FRMPD4: variants seen among roughly 807,000 people sequenced by gnomAD.
The protein encoded by FRMPD4 is FERM and PDZ domain containing 4.
FRMPD4 carries 22 observed loss-of-function variants against 94.1 expected under a neutral mutation model. The observed-to-expected ratio is 0.23, with a 90% CI of 0.17 to 0.33. The LOEUF (loss-of-function observed/expected upper bound fraction) is 0.33. Among genes scored for constraint, FRMPD4 ranks in the 10% least tolerant of loss-of-function variants. The pLI, the probability that FRMPD4 is intolerant of heterozygous loss-of-function variation, is 1.00. For missense variants in FRMPD4, 1,111 were observed against 1,339.9 expected (o/e 0.83, Z 2.67); for synonymous variants, 631 against 548.6 (o/e 1.15, Z -2.10).
intron 1 of FRMPD4, among the ~76,000 whole-genome samples, chrX:12,279,191 C>T (rs1015687422): frequency 8.9e-6 from 1 of 112,806 alleles, no homozygotes; most frequent in Non-Finnish European, 1.9e-5. Flanking sequence ...ACCCTTGTAA[C>T]GGTGATGATG....
chrX:12,700,047 T>C (rs755919019), intron 9 of FRMPD4, among the ~76,000 whole-genome samples: 2 of 111,600 alleles, frequency 1.8e-5, no homozygotes, highest in Non-Finnish European at 3.8e-5. Flanking sequence ...TGGCCAGTCT[T>C]TACACAGGGC....
Position 12,480,512 on chromosome X carries a change from A to C in FRMPD4, c.42-18168A>C, listed in dbSNP as rs1190642741. On this transcript the variant is annotated intron_variant, in intron 1 of 16. Coordinates refer to ENST00000675598, the MANE Select transcript of FRMPD4 (RefSeq NM_001368397.1). ...TTAAAAATGTTTATGTTTCTTGTAC[A>C]CAATGCCCTTCCTTTTCAATGCATT... 2.7e-5 allele frequency among the ~76,000 whole-genome samples: 3 copies of C among 111,451 alleles called. No individual in the cohort carries two copies. In the Admixed American group the frequency reaches 2.9e-4, roughly 11 times the overall value.
intron 1 of FRMPD4, among the ~76,000 whole-genome samples, chrX:12,297,267 G>A (rs975268560): frequency 8.9e-6 from 1 of 112,427 alleles, no homozygotes; most frequent in Non-Finnish European, 1.9e-5. Flanking sequence ...AACTGTCTTG[G>A]TCCATTTTCT....
At chrX:11,949,847 G>C (rs1281123078) in intron 3 of FRMPD4, among the ~76,000 whole-genome samples, 1 of 111,593 alleles carries the variant, frequency 9.0e-6, no homozygotes, top group Non-Finnish European at 1.9e-5. Flanking sequence ...CTCCCAGAAG[G>C]TGCTCAGTTG....
chrX:12,538,820 A>G (rs1213599670), intron 2 of FRMPD4, among the ~76,000 whole-genome samples: 1 of 111,862 alleles, frequency 8.9e-6, no homozygotes, highest in Non-Finnish European at 1.9e-5. Context: ...ACCATCATCA[A>G]AGACCAAAGG....
chrX:11,850,170 GAAA>G (rs1249183767), intron 1 of FRMPD4, among the ~76,000 whole-genome samples: 4 of 112,385 alleles, frequency 3.6e-5, no homozygotes, highest in African/African-American at 9.7e-5. Flanking sequence ...ACCAGCATAT[GAAA>G]AGTTGTTCAT....
chrX:12,558,548 C>T (rs1263526188), intron 2 of FRMPD4, among the ~76,000 whole-genome samples: 1 of 112,418 alleles, frequency 8.9e-6, no homozygotes, highest in African/African-American at 3.2e-5. Flanking sequence ...GACTTTAAAA[C>T]ATAAACTATA....
intron 1 of FRMPD4, among the ~76,000 whole-genome samples, chrX:11,830,355 T>C (rs917937576): frequency 8.9e-6 from 1 of 112,305 alleles, no homozygotes; most frequent in Admixed American, 9.4e-5. Flanking sequence ...CCACATGTTA[T>C]GTAAACTACA....
At chrX:12,526,448 G>T (rs185680932) in intron 2 of FRMPD4, among the ~76,000 whole-genome samples, 1 of 112,791 alleles carries the variant, frequency 8.9e-6, no homozygotes, top group Admixed American at 9.3e-5. Flanking sequence ...GTCACAAAGA[G>T]CCCCTTGGGG....
At position 12,722,478 on chromosome X, in the gene FRMPD4, G is replaced by C. The variant is rs1312446428; in HGVS notation, c.*620G>C. On this transcript the variant is annotated 3_prime_UTR_variant, in exon 17 of 17. Coordinates refer to ENST00000675598, the MANE Select transcript of FRMPD4 (RefSeq NM_001368397.1). ...TTTAATTTGGGTTTTTGCTACTGGG[G>C]CTACAAATTGGTGGGGATGGATTCT... 9.0e-6 allele frequency: 1 copy of C among 111,266 alleles called. No individual in the cohort carries two copies. The highest frequency in any genetic ancestry group is 3.3e-5 in the African/African-American group (1 of 30,624). The allele number at this position is 111,266 out of a possible 1,213,427, so 9.2% of individuals were successfully genotyped here.
intron 1 of FRMPD4, among the ~76,000 whole-genome samples, chrX:12,219,046 AGTCTCCTGT>A (rs2056836193): frequency 8.9e-6 from 1 of 112,089 alleles, no homozygotes; most frequent in South Asian, 3.7e-4. Flanking sequence ...TTAGAATCTA[AGTCTCCTGT>A]GTCTCAATCA....
At chrX:11,973,147 T>A (rs891197792) in intron 3 of FRMPD4, among the ~76,000 whole-genome samples, 47 of 112,769 alleles carry the variant, frequency 4.2e-4, no homozygotes, top group Admixed American at 1.0e-3. Context: ...TCTTTCTAAT[T>A]CACGCTTCTT....
At chrX:11,896,966 C>T (rs1349994920) in intron 3 of FRMPD4, among the ~76,000 whole-genome samples, 3 of 111,175 alleles carry the variant, frequency 2.7e-5, no homozygotes, top group Non-Finnish European at 3.8e-5. Context: ...ACAGACCACA[C>T]TTGGAGTAGT....
intron 2 of FRMPD4, among the ~76,000 whole-genome samples, chrX:11,869,256 C>G (rs1295708539): frequency 1.8e-5 from 2 of 112,034 alleles, no homozygotes; most frequent in Admixed American, 9.5e-5. Context: ...AGATTGAGTT[C>G]ATTTCTGTGG....
At chrX:12,160,068 GGTGTGTGTGTGTGTGTGT>G (rs757966489) in intron 1 of FRMPD4, among the ~76,000 whole-genome samples, 2 of 100,049 alleles carry the variant, frequency 2.0e-5, no homozygotes, top group African/African-American at 7.5e-5. Context: ...GATGTTGAGG[GGTGTGTGTGTGTGTGTGT>G]GTGTGTGTGT....
At chrX:12,525,124 A>G (rs147801780) in intron 2 of FRMPD4, among the ~76,000 whole-genome samples, 175 of 110,585 alleles carry the variant, frequency 1.6e-3, no homozygotes, top group Admixed American at 3.8e-3. Flanking sequence ...TCCTGGGGGT[A>G]TTTGCATTTT....
At chrX:12,384,958 C>G (rs2056377218) in intron 1 of FRMPD4, among the ~76,000 whole-genome samples, 1 of 112,311 alleles carries the variant, frequency 8.9e-6, no homozygotes, top group African/African-American at 3.2e-5. Context: ...TTCTTCCAAC[C>G]TATCTAATTG....
At chrX:12,031,329 A>T (rs1601893649) in intron 3 of FRMPD4, among the ~76,000 whole-genome samples, 1 of 112,303 alleles carries the variant, frequency 8.9e-6, no homozygotes, top group Non-Finnish European at 1.9e-5. Context: ...TCTACAAGAG[A>T]TATTTGGCAG....
At chrX:12,323,797 T>C (rs1338490573) in intron 1 of FRMPD4, among the ~76,000 whole-genome samples, 6 of 111,388 alleles carry the variant, frequency 5.4e-5, no homozygotes, top group Non-Finnish European at 9.4e-5. Flanking sequence ...TCCCTGAGTG[T>C]TGGGTTGGGT....
Sources: gnomAD v4.1 joint callset for allele counts (sites outside exome capture counted in the v4.1 genomes callset) on GRCh38, gnomAD v4.1.1 for gene constraint, MANE v1.5 for transcripts, NCBI Gene and HGNC (gene_info 2026-07-23, HGNC 2026-07-21) for gene names.